CCSER1: variants seen among roughly 807,000 people sequenced by gnomAD.
CCSER1 encodes coiled-coil serine rich protein 1.
In CCSER1, 41 loss-of-function variants were observed where a neutral mutation model predicts 82.0. The observed-to-expected ratio is 0.50, with a 90% CI of 0.39 to 0.65. The LOEUF (loss-of-function observed/expected upper bound fraction) is 0.65, where lower values mean the gene tolerates loss of function less well. Among genes scored for constraint, CCSER1 ranks in the 30% least tolerant of loss-of-function variants. The pLI is 0.00. For missense variants in CCSER1, 1,119 were observed against 1,064.2 expected, an observed-to-expected ratio of 1.05 and a Z score of -0.72; for synonymous variants, 414 against 383.9, an observed-to-expected ratio of 1.08 and a Z score of -0.92.
intron 4 of CCSER1, among the ~76,000 whole-genome samples, chr4:90,447,312 G>A (rs1202567798): frequency 2.6e-5 from 4 of 151,708 alleles, no homozygotes; most frequent in Admixed American, 2.6e-4. Flanking sequence ...AAATACGTGA[G>A]AGAAAATTTA....
chr4:90,518,500 C>G (rs1331812587), intron 5 of CCSER1, among the ~76,000 whole-genome samples: 2 of 152,022 alleles, frequency 1.3e-5, no homozygotes, highest in African/African-American at 2.4e-5. Context: ...TACATGATAA[C>G]TGTCATGAAC....
chr4:90,940,207 G>A (rs1228310534), intron 9 of CCSER1, among the ~76,000 whole-genome samples: 1 of 152,002 alleles, frequency 6.6e-6, no homozygotes, highest in African/African-American at 2.4e-5. Flanking sequence ...GACAAGAAAA[G>A]GTCACCTAAC....
At chr4:90,501,929 C>A (rs1769941906) in intron 5 of CCSER1, among the ~76,000 whole-genome samples, 1 of 152,038 alleles carries the variant, frequency 6.6e-6, no homozygotes, top group African/African-American at 2.4e-5. Context: ...GTCATAATTG[C>A]TGATAGGACT....
In CCSER1 at chr4:91,459,651, G is replaced by A. The variant is rs375048629; in HGVS notation, c.2218-138921G>A. ...TCAGAAGTTCTTGGGAAAAAAAATG[G>A]TGACTTACTTCTGCTACCTCTGTCT... On this transcript the variant is annotated intron_variant, in intron 10 of 10. Coordinates refer to ENST00000509176, the MANE Select transcript of CCSER1 (RefSeq NM_001145065.2). Among the ~76,000 whole-genome samples the A allele has an allele frequency of 2.6e-5, 4 of 152,192 alleles. No individual in the cohort carries two copies. In the East Asian group the frequency reaches 5.8e-4, roughly 22 times the overall value.
intron 1 of CCSER1, among the ~76,000 whole-genome samples, chr4:90,281,472 C>A (rs910604859): frequency 1.3e-5 from 2 of 151,950 alleles, no homozygotes; most frequent in Non-Finnish European, 2.9e-5. Context: ...TGCACATGTA[C>A]CCCTGAAGCT....
chr4:90,390,114 A>G (rs1750742907), intron 3 of CCSER1, among the ~76,000 whole-genome samples: 1 of 152,182 alleles, frequency 6.6e-6, no homozygotes, highest in Non-Finnish European at 1.5e-5. Context: ...ACATTTTTAG[A>G]AGGCAGTATG....
chr4:91,005,464 A>T (rs1331453201), intron 9 of CCSER1, among the ~76,000 whole-genome samples: 1 of 152,104 alleles, frequency 6.6e-6, no homozygotes, highest in East Asian at 1.9e-4. Context: ...ATGAGAAGGG[A>T]ATCAATCTTC....
intron 8 of CCSER1, chr4:90,839,159 A>C: frequency 2.6e-6 from 2 of 755,912 alleles, no homozygotes; most frequent in Non-Finnish European, 4.6e-6. Context: ...CTATATTGCT[A>C]ACTTCTTTGA....
At chr4:90,457,123 G>T (rs1193923016) in intron 4 of CCSER1, among the ~76,000 whole-genome samples, 1 of 152,180 alleles carries the variant, frequency 6.6e-6, no homozygotes, top group Non-Finnish European at 1.5e-5. Flanking sequence ...CCAGGTGCTG[G>T]CACAGGTGCT....
At chr4:91,454,508 T>C (rs1922229) in intron 10 of CCSER1, among the ~76,000 whole-genome samples, 126,724 of 151,924 alleles carry the variant, frequency 0.83, 53,229 homozygotes, top group East Asian at 0.93. Context: ...TCCCCATCTC[T>C]GGATCTTTAA....
chr4:90,830,963 C>A (rs898959629), intron 8 of CCSER1, among the ~76,000 whole-genome samples: 2 of 152,082 alleles, frequency 1.3e-5, no homozygotes, highest in Admixed American at 1.3e-4. Context: ...AATCTGTAAT[C>A]ATTTCACTCA....
At chr4:90,629,107 G>T (rs1008642458) in intron 6 of CCSER1, among the ~76,000 whole-genome samples, 4 of 151,978 alleles carry the variant, frequency 2.6e-5, no homozygotes, top group African/African-American at 9.7e-5. Flanking sequence ...AGAATTAATG[G>T]TCCCTATGTT....
chr4:91,247,937 TC>T (rs1371786627), intron 10 of CCSER1, among the ~76,000 whole-genome samples: 1 of 152,026 alleles, frequency 6.6e-6, no homozygotes, highest in Non-Finnish European at 1.5e-5. Context: ...TGGATAAATG[TC>T]TGATTCTAAG....
intron 10 of CCSER1, among the ~76,000 whole-genome samples, chr4:91,564,129 A>G (rs190645239): frequency 6.6e-6 from 1 of 151,974 alleles, no homozygotes; most frequent in African/African-American, 2.4e-5. Flanking sequence ...ATGAGTAAGA[A>G]GATGAGGTAT....
At chr4:91,161,425 T>C (rs1731386428) in intron 10 of CCSER1, among the ~76,000 whole-genome samples, 1 of 152,174 alleles carries the variant, frequency 6.6e-6, no homozygotes. Flanking sequence ...AGTAGTTTTT[T>C]CCAATTCTGT....
rs1764861644 is a variant in CCSER1 at position 91,602,826 on chromosome 4, G to GAT, written c.*3771_*3772dup. 6.6e-6 allele frequency among the ~76,000 whole-genome samples: 1 copy of GAT among 151,822 alleles called. No individual in the cohort carries two copies. On this transcript the variant is annotated 3_prime_UTR_variant, in exon 11 of 11. Coordinates refer to ENST00000509176, the MANE Select transcript of CCSER1 (RefSeq NM_001145065.2). ...CATAATCAGAAGCTTTTCCCTTATT[G>GAT]ATAATATTAGCTCAAATGTAGCACC... is the stretch of plus-strand genomic sequence containing the variant.
chr4:90,867,885 C>A (rs2150016114), intron 8 of CCSER1, among the ~76,000 whole-genome samples: 1 of 152,078 alleles, frequency 6.6e-6, no homozygotes. Context: ...TCTCATTCTT[C>A]TCTGTGGCTG....
At chr4:90,155,673 G>T (rs1727979572) in intron 1 of CCSER1, among the ~76,000 whole-genome samples, 1 of 152,186 alleles carries the variant, frequency 6.6e-6, no homozygotes, top group South Asian at 2.1e-4. Flanking sequence ...GCATAGAGGT[G>T]TTCATAGTAT....
chr4:91,080,440 C>T (rs1722580892), intron 9 of CCSER1, among the ~76,000 whole-genome samples: 1 of 152,162 alleles, frequency 6.6e-6, no homozygotes. Context: ...AAATTAATAG[C>T]ACTAAATGCC....
Sources: allele counts gnomAD v4.1 joint callset (sites outside exome capture counted in the v4.1 genomes callset), GRCh38; gene constraint gnomAD v4.1.1; transcripts MANE v1.5; gene names NCBI Gene and HGNC (gene_info 2026-07-23, HGNC 2026-07-21).